The following SCD5 variants were observed in gnomAD, a reference collection of about 807,000 sequenced individuals.
SCD5 encodes the protein acyl-CoA-desaturase 4.
In SCD5, 20 loss-of-function variants were observed where a neutral mutation model predicts 30.4. The observed-to-expected ratio is 0.66, with a 90% CI of 0.46 to 0.96. SCD5 has a LOEUF of 0.96. Among genes scored for constraint, SCD5 ranks in the 40% least tolerant of loss-of-function variants. The pLI is 0.00. For missense variants in SCD5, 381 were observed against 443.3 expected (o/e 0.86, Z 1.26); for synonymous variants, 173 against 176.4 (o/e 0.98, Z 0.16).
intron 1 of SCD5, among the ~76,000 whole-genome samples, chr4:82,727,731 G>C (rs1165965179): frequency 3.9e-5 from 6 of 152,174 alleles, no homozygotes; most frequent in Non-Finnish European, 7.4e-5. Context: ...TTTTGAGACA[G>C]TGTCTCACTC....
chr4:82,734,958 G>A (rs1377743129), intron 1 of SCD5, among the ~76,000 whole-genome samples: 2 of 151,446 alleles, frequency 1.3e-5, no homozygotes, highest in African/African-American at 4.9e-5. Flanking sequence ...TAGTAGAGAT[G>A]GGGTTTCATC....
chr4:82,721,808 A>T (rs1025204256), intron 1 of SCD5, among the ~76,000 whole-genome samples: 3 of 152,264 alleles, frequency 2.0e-5, no homozygotes, highest in African/African-American at 7.2e-5. Flanking sequence ...GTACATTGTT[A>T]TAGGAGCAAA....
intron 1 of SCD5, among the ~76,000 whole-genome samples, chr4:82,755,826 A>G (rs17351919): frequency 0.052 from 7,884 of 152,256 alleles, 275 homozygotes; most frequent in Middle Eastern, 0.092. Context: ...TGTTGAATTT[A>G]ATTTTATGCC....
intron 1 of SCD5, among the ~76,000 whole-genome samples, chr4:82,748,935 A>G (rs1721046445): frequency 6.6e-6 from 1 of 152,178 alleles, no homozygotes; most frequent in African/African-American, 2.4e-5. Context: ...CACCATTTTC[A>G]AGCAGCTTAC....
chr4:82,738,957 C>T (rs1331847532), intron 1 of SCD5, among the ~76,000 whole-genome samples: 5 of 152,170 alleles, frequency 3.3e-5, no homozygotes, highest in Non-Finnish European at 5.9e-5. Context: ...TGGGGACTGA[C>T]ACTACAACAT....
intron 1 of SCD5, among the ~76,000 whole-genome samples, chr4:82,780,190 G>A (rs1721838008): frequency 6.6e-6 from 1 of 152,174 alleles, no homozygotes; most frequent in Non-Finnish European, 1.5e-5. Flanking sequence ...ACAGCTGTTG[G>A]GAATGCATTT....
intron 1 of SCD5, among the ~76,000 whole-genome samples, chr4:82,727,656 T>G (rs1212706183): frequency 1.3e-5 from 2 of 152,204 alleles, no homozygotes; most frequent in African/African-American, 4.8e-5. Context: ...TCCTTGACTC[T>G]AGGAAAGTCT....
At chr4:82,649,147 T>C (rs17005996) in intron 3 of SCD5, among the ~76,000 whole-genome samples, 27,748 of 151,216 alleles carry the variant, frequency 0.18, 2,719 homozygotes, top group East Asian at 0.37. Context: ...TGTGATTTAC[T>C]TGAAGATTCT....
At chr4:82,710,942 A>G (rs73829971) in intron 1 of SCD5, among the ~76,000 whole-genome samples, 4,971 of 152,210 alleles carry the variant, frequency 0.033, 284 homozygotes, top group African/African-American at 0.11. Flanking sequence ...TCAGCAATAC[A>G]GCATCATGGC....
intron 4 of SCD5, among the ~76,000 whole-genome samples, chr4:82,634,411 G>C (rs1298680903): frequency 1.3e-5 from 2 of 152,066 alleles, no homozygotes; most frequent in Non-Finnish European, 2.9e-5. Flanking sequence ...TCTATAACGA[G>C]TACCTCAAGA....
intron 3 of SCD5, among the ~76,000 whole-genome samples, chr4:82,679,241 A>AGAGAGAG (rs1491422417): frequency 9.4e-6 from 1 of 106,514 alleles, no homozygotes; most frequent in Non-Finnish European, 1.9e-5. Context: ...AGAAAGAAAG[A>AGAGAGAG]AAGAAAGAAA....
At position 82,645,034 on chromosome 4, in the gene SCD5, C is replaced by T. The variant is rs572167806; in HGVS notation, c.570-8211G>A. On this transcript the variant is annotated intron_variant, in intron 3 of 4. Coordinates refer to ENST00000319540, the MANE Select transcript of SCD5 (RefSeq NM_001037582.3). ...CTCATCAAGACAGCAAAAGAGTGGC[C>T]AGGCACCGGTGGCTCACACCTGTAA... Among the ~76,000 whole-genome samples the T allele has an allele frequency of 8.5e-5, 13 of 152,290 alleles. No homozygotes were observed. In the East Asian group the frequency reaches 1.3e-3, roughly 16 times the overall value.
chr4:82,677,681 C>T (rs1334697882), intron 3 of SCD5, among the ~76,000 whole-genome samples: 2 of 152,200 alleles, frequency 1.3e-5, no homozygotes, highest in Non-Finnish European at 2.9e-5. Context: ...ATAATTACCA[C>T]AGGACTTCAG....
chr4:82,748,848 A>T (rs1357751965), intron 1 of SCD5, among the ~76,000 whole-genome samples: 1 of 152,226 alleles, frequency 6.6e-6, no homozygotes, highest in Non-Finnish European at 1.5e-5. Context: ...CAGGGGAAAG[A>T]GACAGCAGTG....
intron 1 of SCD5, among the ~76,000 whole-genome samples, chr4:82,744,739 T>G: frequency 6.6e-6 from 1 of 151,988 alleles, no homozygotes; most frequent in Non-Finnish European, 1.5e-5. Flanking sequence ...CTTGAAGAAT[T>G]TAGGTATCAC....
chr4:82,746,201 G>A (rs896951477), intron 1 of SCD5, among the ~76,000 whole-genome samples: 1 of 152,166 alleles, frequency 6.6e-6, no homozygotes, highest in African/African-American at 2.4e-5. Flanking sequence ...GGACTGAATC[G>A]TTTCCATTAT....
chr4:82,695,040 GCGTC>G (rs1719669177), intron 2 of SCD5, among the ~76,000 whole-genome samples: 1 of 152,178 alleles, frequency 6.6e-6, no homozygotes, highest in Admixed American at 6.5e-5. Flanking sequence ...CTTGCAGCAG[GCGTC>G]TGAAGTGGGG....
intron 1 of SCD5, among the ~76,000 whole-genome samples, chr4:82,797,875 T>TG (rs910306907): frequency 4.0e-5 from 6 of 151,866 alleles, no homozygotes; most frequent in South Asian, 4.2e-4. Context: ...GCGGAGGTGA[T>TG]GGGGGGGATA....
chr4:82,730,547 T>C (rs577637174), intron 1 of SCD5, among the ~76,000 whole-genome samples: 7 of 149,652 alleles, frequency 4.7e-5, no homozygotes, highest in Middle Eastern at 3.5e-3. Context: ...CCGCCCACCT[T>C]GGCCTCCCAA....
Sources: gnomAD v4.1 joint callset for allele counts (sites outside exome capture counted in the v4.1 genomes callset) on GRCh38, gnomAD v4.1.1 for gene constraint, MANE v1.5 for transcripts, NCBI Gene and HGNC (gene_info 2026-07-23, HGNC 2026-07-21) for gene names.